Variants in SIDT1 observed in about 807,000 individuals in gnomAD.
SIDT1 encodes the protein SID1 transmembrane family, member 1.
A neutral mutation model predicts 107.5 loss-of-function variants in SIDT1; 101 were observed. The observed-to-expected ratio is 0.94, with a 90% confidence interval of 0.80 to 1.11. The LOEUF is 1.11. Ranked by LOEUF, SIDT1 falls within the 50% of genes least tolerant of loss-of-function variation. The pLI is 0.00. For synonymous variants in SIDT1, 395 were observed against 398.2 expected, an observed-to-expected ratio of 0.99 and a Z score of 0.10; for missense variants, 1,076 against 1,058.2, an observed-to-expected ratio of 1.02 and a Z score of -0.23.
Position 113,559,881 on chromosome 3 carries a change from C to T in SIDT1, c.223-6539C>T, listed in dbSNP as rs1941262295. ...ATGTACAAACATCCCTAGTCTGTGG[C>T]TTGTCTCTTCCCCTCCTGTATGGTG... On this transcript the variant is annotated intron_variant, in intron 1 of 24. Transcript: ENST00000264852. 2.0e-5 allele frequency among the ~76,000 whole-genome samples: 3 copies of T among 152,296 alleles called. No homozygotes were observed. The South Asian group carries it at 6.2e-4, about 32-fold the overall frequency.
rs373951617 is a variant in SIDT1 at position 113,611,056 on chromosome 3, A to G, written c.1769A>G (p.Tyr590Cys). The G allele has an allele frequency of 3.7e-6, 6 of 1,614,024 alleles. No homozygotes were observed. Among genetic ancestry groups the G allele is most frequent in the Admixed American group, 1.7e-5 (1 of 59,996 alleles). The part of the protein sequence containing the change: ...MIAGLCMLKL[Y>C]QTRHPDINAS... The stretch of plus-strand genomic sequence containing the variant: ...GCTGGCCTGTGCATGCTGAAGCTCT[A>G]TCAGACCCGCCACCCAGACATCAAT... Residue 590 changes from tyrosine (Y) to cysteine (C), a missense_variant, in exon 18 of 25, where the codon TAT becomes TGT. Transcript: ENST00000264852.
downstream of SIDT1, among the ~76,000 whole-genome samples, chr3:113,634,269 A>T (rs1947110302): frequency 6.6e-6 from 1 of 152,212 alleles, no homozygotes. Flanking sequence ...CTGCCCTCTT[A>T]GTGAGATCTT....
intron 17 of SIDT1, 104 bp downstream of exon 17, chr3:113,608,640 T>C: frequency 2.5e-6 from 2 of 803,314 alleles, no homozygotes; most frequent in Non-Finnish European, 4.3e-6. Flanking sequence ...AAATGGCATT[T>C]TATGTGAGCT....
chr3:113,616,366 G>T (rs1460514853), intron 20 of SIDT1, among the ~76,000 whole-genome samples, 190 bp downstream of exon 20: 5 of 152,136 alleles, frequency 3.3e-5, no homozygotes, highest in Non-Finnish European at 7.4e-5. Context: ...AGCTAACATG[G>T]TCCCATTTTT....
chr3:113,629,226 CA>C lies in SIDT1; in HGVS notation c.*1519del, dbSNP rs1451046492. 2 of 152,158 alleles carry C rather than the reference CA, an allele frequency of 1.3e-5. No homozygotes were observed. The highest frequency in any genetic ancestry group is 2.9e-5 in the Non-Finnish European group (2 of 68,016). 9.4% of individuals were successfully genotyped at this position (152,158 alleles called of 1,614,324 possible). A position where few individuals can be genotyped will look rare whatever the true frequency, so the allele number is the denominator to read the frequency against. ...AGCAAGCTTTTCCTGATTTTAAAAACACAAAGTTGCTTTCAATGAAATATTT... is the reference window on the plus strand; with the variant it reads ...AGCAAGCTTTTCCTGATTTTAAAAACCAAAGTTGCTTTCAATGAAATATTT... On this transcript the variant is annotated 3_prime_UTR_variant, in exon 25 of 25. Transcript: ENST00000264852.
At chr3:113,552,425 G>C (rs1940364245) in intron 1 of SIDT1, among the ~76,000 whole-genome samples, 1 of 152,132 alleles carries the variant, frequency 6.6e-6, no homozygotes, top group South Asian at 2.1e-4. Context: ...GGACAGAAAA[G>C]GAAAGAGGAC....
intron 19 of SIDT1, chr3:113,615,041 T>A: frequency 6.5e-7 from 1 of 1,535,662 alleles, no homozygotes; most frequent in Non-Finnish European, 8.7e-7. Context: ...TCTCCTTTCT[T>A]CTCTGCTTCC....
intron 9 of SIDT1, 139 bp from the exon 10 acceptor site, chr3:113,592,866 G>A (rs1026852234): frequency 6.9e-6 from 5 of 723,766 alleles, no homozygotes; most frequent in African/African-American, 5.2e-5. Context: ...GATTACAGGT[G>A]TGTGCCACCG....
chr3:113,617,984 A>G lies in SIDT1; in HGVS notation c.2044-1696A>G, dbSNP rs116838502. 6.5e-3 allele frequency among the ~76,000 whole-genome samples: 993 copies of G among 152,222 alleles called. 3 individuals carry two copies. Among genetic ancestry groups the G allele is most frequent in the Non-Finnish European group, 9.7e-3 (657 of 68,004 alleles). ...ACATTAATGCTCATTCTTGATGTAC[A>G]CTCATGGGTTTTAACAAGCATGTTG... On this transcript the variant is annotated intron_variant, in intron 20 of 24. Coordinates refer to ENST00000264852, the MANE Select transcript of SIDT1 (RefSeq NM_017699.3).
At chr3:113,612,508 G>A in intron 19 of SIDT1, 1 of 459,518 alleles carries the variant, frequency 2.2e-6, no homozygotes, top group Non-Finnish European at 4.2e-6. Context: ...ATTAGAGAAT[G>A]GTATGATCAT....
intron 10 of SIDT1, among the ~76,000 whole-genome samples, chr3:113,599,446 A>G (rs532660559): frequency 1.2e-4 from 18 of 152,388 alleles, no homozygotes; most frequent in African/African-American, 4.3e-4. Flanking sequence ...ACTATATGAA[A>G]GTAACATATT....
At position 113,584,749 on chromosome 3, in the gene SIDT1, C is replaced by G. The variant is rs78701047; in HGVS notation, c.887C>G (p.Thr296Ser). 1.3e-6 allele frequency: 2 copies of G among 1,594,950 alleles called. No homozygotes were observed. The highest frequency in any genetic ancestry group is 1.7e-6 in the Non-Finnish European group (2 of 1,174,688). The change falls in exon 8 of 25, where the codon ACC becomes AGC. Residue 296 changes from threonine (T) to serine (S), a missense_variant. By Grantham distance (58) the Thr-to-Ser change is moderately conservative. Coordinates refer to ENST00000264852, the MANE Select transcript of SIDT1 (RefSeq NM_017699.3). The stretch of plus-strand genomic sequence containing the variant: ...CAGCGAAAAAAGAACCTTGAAGTGA[C>G]CATTGTCCCTTCCATTAAAGGTCAG... ...NLQRKKNLEVTIVPSIKESVY... is the reference protein window; with the variant it reads ...NLQRKKNLEVSIVPSIKESVY...
intron 20 of SIDT1, 44 bp downstream of exon 20, chr3:113,616,220 A>AGGGGAATAGTAG (rs1454657846): frequency 1.4e-6 from 2 of 1,454,118 alleles, no homozygotes; most frequent in Non-Finnish European, 9.7e-7. Context: ...CCCAGAAAGC[A>AGGGGAATAGTAG]GGGGAATAGT....
At position 113,532,929 on chromosome 3, in the gene SIDT1, G is replaced by T. The variant is rs554360658; in HGVS notation, c.-93G>T. The T allele has an allele frequency of 2.4e-4, 208 of 866,692 alleles. 2 individuals are homozygous for T. The African/African-American group carries it at 3.3e-3, about 14-fold the overall frequency. 53.7% of individuals were successfully genotyped at this position (866,692 alleles called of 1,614,324 possible). On this transcript the variant is annotated 5_prime_UTR_variant, in exon 1 of 25. Transcript: ENST00000264852. ...TCACCCGCTCGGCTCTGAAGCGGAC[G>T]CCTGGCCCTGCACCGGGCTTTGGAA...
chr3:113,623,522 T>A lies in SIDT1; in HGVS notation c.2186T>A (p.Ile729Asn). The A allele has an allele frequency of 1.2e-6, 2 of 1,613,454 alleles. No individual in the cohort carries two copies. The highest frequency in any genetic ancestry group is 1.7e-6 in the Non-Finnish European group (2 of 1,179,394). The change falls in exon 22 of 25, where the codon ATC becomes AAC. Residue 729 changes from isoleucine (I) to asparagine (N), a missense_variant. Transcript: ENST00000264852. Reference protein sequence around the residue: ...CNLLLYLAFYIIMKLRSSEKV... With the variant: ...CNLLLYLAFYNIMKLRSSEKV... ...CTTTTGCTGTACCTGGCCTTTTACA[T>A]CATCATGAAGGTAAGAGCGGGTGCC... is the stretch of plus-strand genomic sequence containing the variant.
Position 113,626,164 on chromosome 3 carries a change from C to A in SIDT1, c.2370C>A (p.Asp790Glu). Residue 790 changes from aspartate to glutamate, a missense_variant, in exon 24 of 25, where the codon GAC becomes GAA. Transcript: ENST00000264852. Reference sequence around the variant, plus strand: ...GCATTCTGCTGGATTTCTTCGATGACCATGACATCTGGCACTTCCTCTCTG... The same window carrying A: ...GCATTCTGCTGGATTTCTTCGATGAACATGACATCTGGCACTTCCTCTCTG... ...RECILLDFFD[D>E]HDIWHFLSAT... 1 of 1,614,054 alleles carries A rather than the reference C, an allele frequency of 6.2e-7. No homozygotes were observed. The highest frequency in any genetic ancestry group is 8.5e-7 in the Non-Finnish European group (1 of 1,179,940).
chr3:113,602,776 T>G (rs1348930902), intron 11 of SIDT1: 1 of 385,826 alleles, frequency 2.6e-6, no homozygotes, highest in Non-Finnish European at 4.6e-6. Flanking sequence ...GATTCTAATA[T>G]GTGTTCAGTC....
In SIDT1 at chr3:113,583,468, T is replaced by A; in HGVS notation, c.807T>A (p.Tyr269Ter). ...FVVFVIKPED[Y>*]ACGGSFFIQE... ...TATTTGTGATAAAGCCTGAAGATTA[T>A]GCCTGTGGAGGATCTTTCTTCATCC... The change falls in exon 7 of 25, where the codon TAT becomes TAA. Residue 269 changes from tyrosine (Y) to a stop codon, truncating the protein, a stop_gained. Transcript: ENST00000264852. LOFTEE classifies it high-confidence loss of function. The A allele has an allele frequency of 6.3e-7, 1 of 1,599,230 alleles. No homozygotes were observed. Among genetic ancestry groups the A allele is most frequent in the Non-Finnish European group, 8.5e-7 (1 of 1,169,614 alleles).
intron 1 of SIDT1, among the ~76,000 whole-genome samples, chr3:113,550,802 G>A (rs1037482231): frequency 3.3e-5 from 5 of 151,988 alleles, no homozygotes; most frequent in African/African-American, 1.2e-4. Flanking sequence ...CAGGTTTGTT[G>A]TATAGGTGTC....
Sources: allele counts gnomAD v4.1 joint callset (sites outside exome capture counted in the v4.1 genomes callset), GRCh38; gene constraint gnomAD v4.1.1; transcripts MANE v1.5; gene names NCBI Gene and HGNC (gene_info 2026-07-23, HGNC 2026-07-21).